The following PAPPA2 variants were observed in gnomAD, a reference collection of about 807,000 sequenced individuals.
PAPPA2 encodes the protein pappalysin-2.
In PAPPA2, 86 loss-of-function variants were observed where a neutral mutation model predicts 176.4. The ratio of observed to expected loss-of-function variants is 0.49; its 90% CI spans 0.41 to 0.58. The LOEUF is 0.58. PAPPA2 is among the 20% of genes least tolerant of loss of function. The probability of loss-of-function intolerance (pLI) is 0.00; values close to 1 mark genes in which losing one functional copy is unlikely to be tolerated. For missense variants in PAPPA2, 2,073 were observed against 2,256.9 expected, an observed-to-expected ratio of 0.92 and a Z score of 1.65; for synonymous variants, 809 against 852.2, an observed-to-expected ratio of 0.95 and a Z score of 0.88.
chr1:176,506,582 A>C (rs186318013), intron 1 of PAPPA2, among the ~76,000 whole-genome samples: 1 of 151,870 alleles, frequency 6.6e-6, no homozygotes, highest in Non-Finnish European at 1.5e-5. Flanking sequence ...TTTGTTAGCC[A>C]TATTCCTAGG....
chr1:176,796,607 TTTC>T (rs1665438698), intron 20 of PAPPA2, among the ~76,000 whole-genome samples: 1 of 19,430 alleles, frequency 5.1e-5, no homozygotes, highest in African/African-American at 5.3e-4. Context: ...TTTCTTTTCT[TTTC>T]TTTTCTTTTC....
At chr1:176,492,323 AGAGT>A (rs958874071) in intron 1 of PAPPA2, among the ~76,000 whole-genome samples, 2 of 152,186 alleles carry the variant, frequency 1.3e-5, no homozygotes, top group African/African-American at 4.8e-5. Flanking sequence ...TTCTCCACTA[AGAGT>A]GAGAAAAATA....
At chr1:176,657,575 C>G (rs1444808992) in intron 3 of PAPPA2, among the ~76,000 whole-genome samples, 1 of 151,884 alleles carries the variant, frequency 6.6e-6, no homozygotes, top group African/African-American at 2.4e-5. Flanking sequence ...ATAGAACCAA[C>G]AGAAATTGAC....
At chr1:176,712,032 TG>T in intron 12 of PAPPA2, 51 bp downstream of exon 12, 1 of 979,986 alleles carries the variant, frequency 1.0e-6, no homozygotes, top group South Asian at 2.1e-5. Context: ...TAAGCATATG[TG>T]TGTGTGTGTG....
At chr1:176,828,385 T>G (rs934444696) in intron 21 of PAPPA2, among the ~76,000 whole-genome samples, 2 of 152,176 alleles carry the variant, frequency 1.3e-5, no homozygotes, top group African/African-American at 4.8e-5. Context: ...AAAACAGTTT[T>G]ACGTTTAGGT....
intron 1 of PAPPA2, among the ~76,000 whole-genome samples, chr1:176,512,973 T>C (rs1299697483): frequency 6.6e-6 from 1 of 152,124 alleles, no homozygotes; most frequent in East Asian, 1.9e-4. Context: ...TTTCAAAAGT[T>C]AGGGATAGCC....
chr1:176,631,202 A>G (rs1427519293), intron 3 of PAPPA2, among the ~76,000 whole-genome samples: 1 of 152,194 alleles, frequency 6.6e-6, no homozygotes, highest in Non-Finnish European at 1.5e-5. Flanking sequence ...GTGAAATATT[A>G]TTTGGTCACA....
At chr1:176,825,812 G>C (rs1005515541) in intron 21 of PAPPA2, among the ~76,000 whole-genome samples, 2 of 152,150 alleles carry the variant, frequency 1.3e-5, no homozygotes, top group Non-Finnish European at 2.9e-5. Context: ...TAAGAAAGAG[G>C]AAAAATGTCA....
At chr1:176,590,141 C>A (rs994066628) in intron 2 of PAPPA2, among the ~76,000 whole-genome samples, 11 of 152,110 alleles carry the variant, frequency 7.2e-5, no homozygotes, top group African/African-American at 2.7e-4. Flanking sequence ...AATATTTACC[C>A]CCTTTTAAAT....
intron 2 of PAPPA2, among the ~76,000 whole-genome samples, chr1:176,562,892 T>A (rs1651754876): frequency 6.6e-6 from 1 of 152,188 alleles, no homozygotes; most frequent in African/African-American, 2.4e-5. Context: ...ACTATGACCC[T>A]TTTTCTCGAA....
intron 17 of PAPPA2, among the ~76,000 whole-genome samples, chr1:176,778,786 C>A (rs1319711208): frequency 6.6e-6 from 1 of 152,180 alleles, no homozygotes; most frequent in Non-Finnish European, 1.5e-5. Context: ...AATTTGTTTT[C>A]TTTCCAATAA....
At chr1:176,716,766 C>T in intron 12 of PAPPA2, among the ~76,000 whole-genome samples, 1 of 151,532 alleles carries the variant, frequency 6.6e-6, no homozygotes, top group Non-Finnish European at 1.5e-5. Flanking sequence ...CACCCGCCAC[C>T]ATGCCCGGCT....
intron 3 of PAPPA2, among the ~76,000 whole-genome samples, chr1:176,602,924 T>C (rs1036733262): frequency 6.6e-6 from 1 of 152,218 alleles, no homozygotes; most frequent in African/African-American, 2.4e-5. Flanking sequence ...ACAGTTCCAA[T>C]AGGCACCGTA....
intron 3 of PAPPA2, among the ~76,000 whole-genome samples, chr1:176,655,567 A>T (rs1657987259): frequency 6.6e-6 from 1 of 151,868 alleles, no homozygotes; most frequent in Admixed American, 6.6e-5. Flanking sequence ...TTAAATCCAC[A>T]ATAAGATGCC....
In PAPPA2 at chr1:176,844,158, G is replaced by A. The variant is rs1471760774; in HGVS notation, c.*1704G>A. The A allele has an allele frequency of 9.1e-6, 1 of 109,788 alleles. No individual in the cohort carries two copies. Among genetic ancestry groups the A allele is most frequent in the Non-Finnish European group, 1.9e-5 (1 of 53,704 alleles). The allele number at this position is 109,788 out of a possible 1,614,324, so 6.8% of individuals were successfully genotyped here. On this transcript the variant is annotated 3_prime_UTR_variant, in exon 23 of 23. Transcript: ENST00000367662. ...AACATTCTAGTTTTACTCATTTTAG[G>A]AAGGCTGTGAGTGAGGCTTGTCTCC...
Position 176,842,558 on chromosome 1 carries a change from GA to G in PAPPA2, c.*106del. On this transcript the variant is annotated 3_prime_UTR_variant, in exon 23 of 23. Transcript: ENST00000367662. ...AATGAAGAAGAACAATCATGAAATG[GA>G]AGAAGGAGGAAGAGCATGAAGGATC... 1 of 1,010,712 alleles carries G rather than the reference GA, an allele frequency of 9.9e-7. No homozygotes were observed. The highest frequency in any genetic ancestry group is 1.5e-6 in the Non-Finnish European group (1 of 663,794). 62.6% of individuals were successfully genotyped at this position (1,010,712 alleles called of 1,614,324 possible). A position where few individuals can be genotyped will look rare whatever the true frequency, so the allele number is the denominator to read the frequency against.
chr1:176,827,552 T>A (rs1666908503), intron 21 of PAPPA2, among the ~76,000 whole-genome samples: 1 of 152,174 alleles, frequency 6.6e-6, no homozygotes, highest in African/African-American at 2.4e-5. Context: ...TCCAGGCAGG[T>A]CCTCTTTCTG....
intron 1 of PAPPA2, among the ~76,000 whole-genome samples, chr1:176,510,820 C>T (rs746179420): frequency 0.037 from 5,544 of 149,528 alleles, 133 homozygotes; most frequent in Non-Finnish European, 0.057. Flanking sequence ...TACACACACA[C>T]ACACACACAC....
chr1:176,837,859 T>C (rs1018337318), intron 21 of PAPPA2, among the ~76,000 whole-genome samples: 13 of 152,324 alleles, frequency 8.5e-5, no homozygotes, highest in Admixed American at 1.3e-4. Context: ...TATTTTTTCA[T>C]TGTAACCTTG....
Sources: gnomAD v4.1 joint callset for allele counts (sites outside exome capture counted in the v4.1 genomes callset) on GRCh38, gnomAD v4.1.1 for gene constraint, MANE v1.5 for transcripts, NCBI Gene and HGNC (gene_info 2026-07-23, HGNC 2026-07-21) for gene names.